TRPM3: variants seen among roughly 807,000 people sequenced by gnomAD.
TRPM3 encodes the protein transient receptor potential cation channel subfamily M member 3.
TRPM3 carries 77 observed loss-of-function variants against 181.2 expected under a neutral mutation model. The observed-to-expected ratio is 0.42, with a 90% CI of 0.35 to 0.51. TRPM3 has a LOEUF of 0.51. Ranked by LOEUF, TRPM3 falls within the 20% of genes least tolerant of loss-of-function variation. The pLI is 0.01. For missense variants in TRPM3, 1,759 were observed against 2,196.7 expected (o/e 0.80, Z 3.98); for synonymous variants, 745 against 796.4 (o/e 0.94, Z 1.09).
chr9:71,099,491 C>T (rs931649838), intron 1 of TRPM3, among the ~76,000 whole-genome samples: 5 of 152,172 alleles, frequency 3.3e-5, no homozygotes, highest in African/African-American at 2.4e-5. Flanking sequence ...TCATAATCCT[C>T]GCCTCCTTTA....
intron 1 of TRPM3, among the ~76,000 whole-genome samples, chr9:71,022,697 CAAAAT>C (rs1332967284): frequency 1.3e-5 from 2 of 151,042 alleles, no homozygotes; most frequent in Non-Finnish European, 2.9e-5. Flanking sequence ...GACTCTGTCT[CAAAAT>C]AAACAAAATA....
intron 1 of TRPM3, among the ~76,000 whole-genome samples, chr9:70,966,107 A>G (rs1391038600): frequency 6.6e-6 from 1 of 152,066 alleles, no homozygotes. Flanking sequence ...ATAATTTCCA[A>G]AAGACGACAT....
At position 70,789,951 on chromosome 9, in the gene TRPM3, G is replaced by A. The variant is rs2084957266; in HGVS notation, c.974-5672C>T. On this transcript the variant is annotated intron_variant, in intron 6 of 25. Transcript: ENST00000677713. ...ACTGGGAGAGGCATTGTGAGGGAGA[G>A]AGGTGTCAGGAATGAAAGAATGTCT... 2.0e-5 allele frequency among the ~76,000 whole-genome samples: 3 copies of A among 152,200 alleles called. No homozygotes were observed. The South Asian group carries it at 6.2e-4, about 32-fold the overall frequency.
intron 1 of TRPM3, among the ~76,000 whole-genome samples, chr9:71,406,416 G>A (rs1462551831): frequency 6.6e-6 from 1 of 152,146 alleles, no homozygotes; most frequent in Non-Finnish European, 1.5e-5. Context: ...TCCAAGTGGA[G>A]AGTCTGGAAG....
chr9:70,765,982 A>C (rs779803850), intron 7 of TRPM3, among the ~76,000 whole-genome samples: 5 of 152,186 alleles, frequency 3.3e-5, no homozygotes, highest in Non-Finnish European at 5.9e-5. Flanking sequence ...AGCCTTGACA[A>C]AGTCATCTTA....
intron 1 of TRPM3, among the ~76,000 whole-genome samples, chr9:71,115,298 AC>A (rs1260860131): frequency 2.0e-5 from 3 of 152,066 alleles, no homozygotes; most frequent in Non-Finnish European, 4.4e-5. Context: ...TCCTGAACCC[AC>A]CACCTACCTA....
chr9:70,675,571 G>A (rs572510175), intron 9 of TRPM3, among the ~76,000 whole-genome samples: 5 of 152,238 alleles, frequency 3.3e-5, no homozygotes, highest in Admixed American at 6.5e-5. Context: ...AATTATCTCT[G>A]AAATAATTGT....
chr9:71,423,803 A>T (rs2093818348), intron 1 of TRPM3, among the ~76,000 whole-genome samples: 1 of 152,150 alleles, frequency 6.6e-6, no homozygotes, highest in African/African-American at 2.4e-5. Flanking sequence ...CAGGAAGGTC[A>T]AAAGTTCCTC....
At position 70,535,299 on chromosome 9, in the gene TRPM3, C is replaced by T; in HGVS notation, c.*654G>A. ...TTCAAAAAAGGATAAACAGTTGTGG[C>T]ACCAGAAGTGAATAGATAAGAGACA... is the stretch of plus-strand genomic sequence containing the variant. On this transcript the variant is annotated 3_prime_UTR_variant, in exon 26 of 26. Coordinates refer to ENST00000677713, the MANE Select transcript of TRPM3 (RefSeq NM_001366145.2). 9.9e-7 allele frequency: 1 copy of T among 1,005,410 alleles called. No homozygotes were observed. Among genetic ancestry groups the T allele is most frequent in the South Asian group, 1.5e-5 (1 of 64,600 alleles). The allele number at this position is 1,005,410 out of a possible 1,614,324, so 62.3% of individuals were successfully genotyped here.
At position 70,536,703 on chromosome 9, in the gene TRPM3, G is replaced by T; in HGVS notation, c.4410C>A (p.Ser1470Arg). 2 of 1,614,090 alleles carry T rather than the reference G, an allele frequency of 1.2e-6. No homozygotes were observed. Among genetic ancestry groups the T allele is most frequent in the South Asian group, 1.1e-5 (1 of 91,062 alleles). Residue 1470 changes from serine to arginine, a missense_variant, in exon 26 of 26, where the codon AGC becomes AGA. Ser to Arg is a moderately radical substitution (Grantham distance 110). This residue lies in a region of TRPM3 where 612 missense variants were observed against 590.0 expected (regional missense o/e 1.04). Coordinates refer to ENST00000677713, the MANE Select transcript of TRPM3 (RefSeq NM_001366145.2). ...TGGAGGTGATGTCCTCAAAATCAAT[G>T]CTCCGGCTTGGAGGTCTGTCTGTGG... ...LAPTDRPPSRSIDFEDITSMD... is the reference protein window; with the variant it reads ...LAPTDRPPSRRIDFEDITSMD...
At chr9:70,553,602 G>C (rs1357002870) in intron 22 of TRPM3, among the ~76,000 whole-genome samples, 1 of 152,138 alleles carries the variant, frequency 6.6e-6, no homozygotes, top group Non-Finnish European at 1.5e-5. Flanking sequence ...CCCCTACACC[G>C]GGTGAGGGGC....
chr9:71,062,944 T>C (rs79864449), intron 1 of TRPM3, among the ~76,000 whole-genome samples: 6,741 of 152,190 alleles, frequency 0.044, 245 homozygotes, highest in African/African-American at 0.096. Flanking sequence ...CTTTATAAGT[T>C]ACCCAGTTTG....
Position 70,606,975 on chromosome 9 carries a change from G to A in TRPM3, c.2668-3505C>T, listed in dbSNP as rs2061274010. ...ACATGGTCTTGTAGAGGATAGAGTT[G>A]GTCACTACTAGAGAAACTCAGAGCA... On this transcript the variant is annotated intron_variant, in intron 19 of 25. Transcript: ENST00000677713. Among the ~76,000 whole-genome samples, 8 of 152,094 alleles carry A rather than the reference G, an allele frequency of 5.3e-5. No homozygotes were observed. In the South Asian group the frequency reaches 1.7e-3, roughly 32 times the overall value.
chr9:71,231,672 C>T (rs1185964000), intron 1 of TRPM3, among the ~76,000 whole-genome samples: 1 of 152,128 alleles, frequency 6.6e-6, no homozygotes, highest in Non-Finnish European at 1.5e-5. Flanking sequence ...AGTAAATTAA[C>T]ATAGCAACAG....
chr9:71,083,868 G>C (rs1330510813), intron 1 of TRPM3, among the ~76,000 whole-genome samples: 1 of 151,608 alleles, frequency 6.6e-6, no homozygotes, highest in African/African-American at 2.4e-5. Flanking sequence ...ATCTATATAT[G>C]TATATATAGA....
At chr9:70,543,532 CT>C (rs1564239966) in intron 25 of TRPM3, among the ~76,000 whole-genome samples, 1 of 152,132 alleles carries the variant, frequency 6.6e-6, no homozygotes, top group Non-Finnish European at 1.5e-5. Context: ...TCCTTCTACT[CT>C]TTATGTCCAT....
At chr9:71,028,043 A>C (rs976539595) in intron 1 of TRPM3, among the ~76,000 whole-genome samples, 1 of 152,196 alleles carries the variant, frequency 6.6e-6, no homozygotes, top group Non-Finnish European at 1.5e-5. Context: ...AAGAAAGAAA[A>C]AATGTTAAAG....
chr9:71,161,451 T>C (rs1178118668), intron 1 of TRPM3, among the ~76,000 whole-genome samples: 2 of 152,128 alleles, frequency 1.3e-5, no homozygotes, highest in African/African-American at 4.8e-5. Context: ...TATCAGATTA[T>C]TAAGGGGTCC....
intron 1 of TRPM3, among the ~76,000 whole-genome samples, chr9:70,985,997 T>C (rs1270699852): frequency 2.0e-5 from 3 of 152,202 alleles, no homozygotes; most frequent in African/African-American, 4.8e-5. Context: ...AAAATATTCC[T>C]TCCAGGAAAA....
Sources: allele counts gnomAD v4.1 joint callset (sites outside exome capture counted in the v4.1 genomes callset), GRCh38; gene constraint gnomAD v4.1.1; regional missense constraint gnomAD v4.1.1; transcripts MANE v1.5; gene names NCBI Gene and HGNC (gene_info 2026-07-23, HGNC 2026-07-21).